Variants in ZNF316 observed in about 807,000 individuals in gnomAD.
The protein encoded by ZNF316 is zinc finger protein 316.
Under a neutral mutation model 75.6 loss-of-function variants are expected in ZNF316, and 23 were observed. The ratio of observed to expected loss-of-function variants is 0.30; its 90% CI spans 0.22 to 0.43. ZNF316 has a LOEUF of 0.43. Ranked by LOEUF, ZNF316 falls within the 20% of genes least tolerant of loss-of-function variation. The pLI is 1.00. For missense variants in ZNF316, 1,266 were observed against 1,409.4 expected (o/e 0.90, Z 1.63); for synonymous variants, 827 against 666.2 (o/e 1.24, Z -3.72).
At position 6,653,696 on chromosome 7, in the gene ZNF316, TG is replaced by T; in HGVS notation, c.2103del (p.Arg702AlafsTer89). On this transcript the variant is annotated frameshift_variant, in exon 9 of 9. Coordinates refer to ENST00000382252, the MANE Select transcript of ZNF316 (RefSeq NM_001278559.2). LOFTEE classifies it high-confidence loss of function. ...TCTGCTCGGACTGCGGCAAGACGTT[TG>T]GGCGCCGGGCCGCGCTGGCCAAGCA... ...WICSDCGKTFGRRAALAKHQR... is the reference protein window; with the variant it reads ...WICSDCGKTFXRRAALAKHQR... The T allele has an allele frequency of 9.2e-7, 1 of 1,088,992 alleles. No homozygotes were observed. The highest frequency in any genetic ancestry group is 1.1e-6 in the Non-Finnish European group (1 of 894,976). The allele number at this position is 1,088,992 out of a possible 1,614,324, so 67.5% of individuals were successfully genotyped here. A position where few individuals can be genotyped will look rare whatever the true frequency, so the allele number is the denominator to read the frequency against.
chr7:6,651,507 T>C (rs1177910032), intron 8 of ZNF316, among the ~76,000 whole-genome samples: 1 of 151,610 alleles, frequency 6.6e-6, no homozygotes, highest in Non-Finnish European at 1.5e-5. Context: ...ATACAAAAAT[T>C]AGCCAGCTGC....
At chr7:6,641,133 TCTGGA>T (rs1023402091) in intron 3 of ZNF316, among the ~76,000 whole-genome samples, 3 of 152,204 alleles carry the variant, frequency 2.0e-5, no homozygotes, top group African/African-American at 4.8e-5. Context: ...GGCGTGGTGG[TCTGGA>T]CTGTTCTCGT....
chr7:6,652,768 A>G lies in ZNF316; in HGVS notation c.1172A>G (p.His391Arg). Reference protein sequence around the residue: ...GFVYRSHLAIHQRTHTGEKPF... With the variant: ...GFVYRSHLAIRQRTHTGEKPF... ...GTGTACCGCTCGCACTTGGCCATCC[A>G]CCAGCGCACGCACACCGGCGAGAAG... is the stretch of plus-strand genomic sequence containing the variant. The change falls in exon 9 of 9, where the codon CAC becomes CGC. Residue 391 changes from histidine (H) to arginine (R), a missense_variant. By Grantham distance (29) the His-to-Arg change is conservative. This residue lies in a region of ZNF316 where 961 missense variants were observed against 990.9 expected (regional missense o/e 0.97). Transcript: ENST00000382252. The G allele has an allele frequency of 7.9e-7, 1 of 1,270,788 alleles. No homozygotes were observed. Among genetic ancestry groups the G allele is most frequent in the Non-Finnish European group, 9.9e-7 (1 of 1,007,848 alleles). The allele number at this position is 1,270,788 out of a possible 1,614,324, so 78.7% of individuals were successfully genotyped here.
Position 6,642,667 on chromosome 7 carries a change from G to A in ZNF316, c.258G>A (p.Val86=). 8.1e-7 allele frequency: 1 copy of A among 1,236,950 alleles called. No individual in the cohort carries two copies. Among genetic ancestry groups the A allele is most frequent in the East Asian group, 3.1e-5 (1 of 31,834 alleles). 76.6% of individuals were successfully genotyped at this position (1,236,950 alleles called of 1,614,324 possible). The change falls in exon 5 of 9, where the codon GTG becomes GTA. Residue 86 remains valine (V), a synonymous_variant. Transcript: ENST00000382252. The surrounding 1 kb of genome is among the most constrained non-coding windows in gnomAD (Gnocchi z 8.1). ...AGGCGGACGTGGAGGAGGAGGATGT[G>A]AAGGAGGTGCTGGCAGAGGAGGAGT... ...EVEADVEEED[V]KEVLAEEECP...
At chr7:6,651,629 G>A (rs1262287523) in intron 8 of ZNF316, among the ~76,000 whole-genome samples, 1 of 152,056 alleles carries the variant, frequency 6.6e-6, no homozygotes, top group Non-Finnish European at 1.5e-5. Flanking sequence ...CGGGCGTGGT[G>A]GCCTGAGCCC....
rs1372053711 is a variant in ZNF316, at chr7:6,654,305, C to T, written c.2709C>T (p.Val903=). Residue 903 remains valine, a synonymous_variant, in exon 9 of 9, where the codon GTC becomes GTT. Transcript: ENST00000382252. ...GCTTTTCGCAGCGCTCGGTGCTGGTCACGCACCAGCGCACACATACGGGCG... is the reference window on the plus strand; with the variant it reads ...GCTTTTCGCAGCGCTCGGTGCTGGTTACGCACCAGCGCACACATACGGGCG... ...GKRFSQRSVL[V]THQRTHTGER... 1.6e-6 allele frequency: 2 copies of T among 1,223,712 alleles called. No individual in the cohort carries two copies. The highest frequency in any genetic ancestry group is 3.3e-5 in the East Asian group (1 of 30,748). The allele number at this position is 1,223,712 out of a possible 1,614,324, so 75.8% of individuals were successfully genotyped here.
chr7:6,649,206 C>T (rs1779462538), intron 8 of ZNF316, among the ~76,000 whole-genome samples: 1 of 152,200 alleles, frequency 6.6e-6, no homozygotes, highest in African/African-American at 2.4e-5. Flanking sequence ...TGTGGTCCCT[C>T]TTCCGGAAGC....
At chr7:6,644,088 C>T in intron 7 of ZNF316, 140 bp downstream of exon 7, 4 of 970,216 alleles carry the variant, frequency 4.1e-6, no homozygotes, top group Non-Finnish European at 5.3e-6. Context: ...CCAGGGAAGC[C>T]CTAGGACCCC....
chr7:6,653,455 A>G lies in ZNF316; in HGVS notation c.1859A>G (p.Asp620Gly), dbSNP rs1006199789. 69 of 1,227,250 alleles carry G rather than the reference A, an allele frequency of 5.6e-5. No individual in the cohort carries two copies. Among genetic ancestry groups the G allele is most frequent in the Non-Finnish European group, 6.9e-5 (68 of 985,484 alleles). The allele number at this position is 1,227,250 out of a possible 1,614,324, so 76.0% of individuals were successfully genotyped here. Residue 620 changes from aspartate (D) to glycine (G), a missense_variant, in exon 9 of 9, where the codon GAC (aspartate) becomes GGC (glycine). This residue lies in a region of ZNF316 where 961 missense variants were observed against 990.9 expected (regional missense o/e 0.97). Transcript: ENST00000382252. ...AGCTTCCCGATCCTGGGCCTACCCG[A>G]CTTCCGAGAGCGGCTGCCGGTCGAC... is the stretch of plus-strand genomic sequence containing the variant. ...PDSFPILGLP[D>G]FRERLPVDGR...
chr7:6,644,658 C>T, intron 8 of ZNF316, 65 bp downstream of exon 8: 1 of 921,528 alleles, frequency 1.1e-6, no homozygotes, highest in Non-Finnish European at 1.4e-6. Flanking sequence ...CAAACTTTGG[C>T]CTTCACTGCG....
chr7:6,642,816 C>G lies in ZNF316; in HGVS notation c.355+52C>G, dbSNP rs552198441. The G allele has an allele frequency of 5.7e-4, 703 of 1,232,308 alleles. No individual in the cohort carries two copies. Among genetic ancestry groups the G allele is most frequent in the Non-Finnish European group, 6.7e-4 (665 of 988,230 alleles). 76.3% of individuals were successfully genotyped at this position (1,232,308 alleles called of 1,614,324 possible). A position where few individuals can be genotyped will look rare whatever the true frequency, so the allele number is the denominator to read the frequency against. The stretch of plus-strand genomic sequence containing the variant: ...GGAGATGAAGGGGGCTGAGGTGGGC[C>G]AGGCCAGGGACCTGGTCAAGCCAGG... On this transcript the variant is annotated intron_variant, in intron 5 of 8. Coordinates refer to ENST00000382252, the MANE Select transcript of ZNF316 (RefSeq NM_001278559.2). The surrounding 1 kb of genome is among the most constrained non-coding windows in gnomAD (Gnocchi z 8.1).
chr7:6,647,673 G>A (rs950497241), intron 8 of ZNF316, among the ~76,000 whole-genome samples: 7 of 152,244 alleles, frequency 4.6e-5, no homozygotes, highest in African/African-American at 1.7e-4. Context: ...CTCGCCGTGG[G>A]GCCCAGGTCA....
At chr7:6,644,340 A>T in intron 7 of ZNF316, 140 bp from the exon 8 acceptor site, 1 of 428,298 alleles carries the variant, frequency 2.3e-6, no homozygotes, top group Non-Finnish European at 3.9e-6. Context: ...GACCGCCTGG[A>T]CCCTCCAGAG....
rs1779576650 is a variant in ZNF316, at chr7:6,654,370, C to T, written c.2774C>T (p.Ser925Leu). Residue 925 changes from serine to leucine, a missense_variant, in exon 9 of 9, where the codon TCG (serine) becomes TTG (leucine). Transcript: ENST00000382252. ...YACANCGRRF[S>L]QSSHLLTHMK... ...TGCGCCAACTGCGGCCGCCGCTTCTCGCAGAGCTCGCACTTGCTCACCCAC... is the reference window on the plus strand; with the variant it reads ...TGCGCCAACTGCGGCCGCCGCTTCTTGCAGAGCTCGCACTTGCTCACCCAC... 3 of 1,219,108 alleles carry T rather than the reference C, an allele frequency of 2.5e-6. No homozygotes were observed. The highest frequency in any genetic ancestry group is 3.1e-6 in the Non-Finnish European group (3 of 979,858). 75.5% of individuals were successfully genotyped at this position (1,219,108 alleles called of 1,614,324 possible). A position where few individuals can be genotyped will look rare whatever the true frequency, so the allele number is the denominator to read the frequency against.
chr7:6,649,871 C>T (rs1779476462), intron 8 of ZNF316, among the ~76,000 whole-genome samples: 1 of 152,164 alleles, frequency 6.6e-6, no homozygotes, highest in Non-Finnish European at 1.5e-5. Flanking sequence ...TCCCTGCCTA[C>T]CTCCCCAAGT....
Position 6,653,414 on chromosome 7 carries a change from C to T in ZNF316, c.1818C>T (p.Ser606=), listed in dbSNP as rs935588770. 1.3e-4 allele frequency: 157 copies of T among 1,227,942 alleles called. No homozygotes were observed. The highest frequency in any genetic ancestry group is 1.5e-4 in the Non-Finnish European group (148 of 985,952). The allele number at this position is 1,227,942 out of a possible 1,614,324, so 76.1% of individuals were successfully genotyped here. The change falls in exon 9 of 9, where the codon TCC becomes TCT. Residue 606 remains serine, a synonymous_variant. Coordinates refer to ENST00000382252, the MANE Select transcript of ZNF316 (RefSeq NM_001278559.2). ...LGFHFPVHPK[S]WLHPDSFPIL... ...TCCACTTCCCCGTGCACCCCAAGTC[C>T]TGGCTGCACCCGGACAGCTTCCCGA...
chr7:6,657,311 CAAAAAAAAA>C lies in ZNF316; in HGVS notation c.*2719_*2727del, dbSNP rs33942632. Among the ~76,000 whole-genome samples the C allele has an allele frequency of 8.1e-4, 53 of 65,208 alleles. No homozygotes were observed. Among genetic ancestry groups the C allele is most frequent in the Non-Finnish European group, 1.2e-3 (42 of 35,912 alleles). The allele number at this position is 65,208 out of a possible 152,430, so 42.8% of individuals were successfully genotyped here. A position where few individuals can be genotyped will look rare whatever the true frequency, so the allele number is the denominator to read the frequency against. On this transcript the variant is annotated 3_prime_UTR_variant, in exon 9 of 9. Coordinates refer to ENST00000382252, the MANE Select transcript of ZNF316 (RefSeq NM_001278559.2). Reference sequence around the variant, plus strand: ...GCCCGGCCAGAGCAACCTAATATTTCAAAAAAAAAAAAAAAAAAAAAAAAAAAGCCGGGC... The same window carrying C: ...GCCCGGCCAGAGCAACCTAATATTTCAAAAAAAAAAAAAAAAAAGCCGGGC...
chr7:6,644,726 C>G (rs761905232), intron 8 of ZNF316, 133 bp downstream of exon 8: 1 of 432,108 alleles, frequency 2.3e-6, no homozygotes, highest in Non-Finnish European at 3.8e-6. Flanking sequence ...TGCCGCCTGG[C>G]TCCTGGTGGT....
chr7:6,642,142 G>C lies in ZNF316; in HGVS notation c.-29+180G>C, dbSNP rs1200778006. On this transcript the variant is annotated intron_variant, in intron 4 of 8. Transcript: ENST00000382252. The surrounding 1 kb of genome is among the most constrained non-coding windows in gnomAD (Gnocchi z 8.1). ...TTCTTGGTGAAAAGGAGCTGAGACTGGCATCCCAGGGGTCACGCGGAGGGG... is the reference window on the plus strand; with the variant it reads ...TTCTTGGTGAAAAGGAGCTGAGACTCGCATCCCAGGGGTCACGCGGAGGGG... The C allele has an allele frequency of 2.8e-6, 1 of 356,416 alleles. No homozygotes were observed. The highest frequency in any genetic ancestry group is 5.0e-6 in the Non-Finnish European group (1 of 198,872). 22.1% of individuals were successfully genotyped at this position (356,416 alleles called of 1,614,324 possible).
Sources: gnomAD v4.1 joint callset for allele counts (sites outside exome capture counted in the v4.1 genomes callset) on GRCh38, gnomAD v4.1.1 for gene constraint, gnomAD v4.1.1 regional missense constraint, Gnocchi (gnomAD v3.1) non-coding constraint, MANE v1.5 for transcripts, NCBI Gene and HGNC (gene_info 2026-07-23, HGNC 2026-07-21) for gene names.